CXCL13: variants seen among roughly 807,000 people sequenced by gnomAD.
The protein encoded by CXCL13 is C-X-C motif chemokine 13.
CXCL13 carries 7 observed loss-of-function variants against 12.2 expected under a neutral mutation model. The ratio of observed to expected loss-of-function variants is 0.57; its 90% CI spans 0.33 to 1.07. The LOEUF is 1.07. Among genes scored for constraint, CXCL13 ranks in the 50% least tolerant of loss-of-function variants. The probability of loss-of-function intolerance (pLI) is 0.04; values close to 1 mark genes in which losing one functional copy is unlikely to be tolerated. For missense variants in CXCL13, 113 were observed against 127.4 expected (o/e 0.89, Z 0.55); for synonymous variants, 47 against 42.4 (o/e 1.11, Z -0.42).
intron 1 of CXCL13, among the ~76,000 whole-genome samples, chr4:77,552,401 T>C (rs1398044980): frequency 6.6e-6 from 1 of 152,252 alleles, no homozygotes; most frequent in Non-Finnish European, 1.5e-5. Context: ...TTTATTTTAC[T>C]CTGTGCAGTT....
chr4:77,556,906 C>T (rs1725672254), intron 1 of CXCL13, among the ~76,000 whole-genome samples: 1 of 152,054 alleles, frequency 6.6e-6, no homozygotes, highest in Non-Finnish European at 1.5e-5. Flanking sequence ...GTATTCCCAG[C>T]CACTCAGGAG....
chr4:77,586,841 G>A (rs2109828217), intron 1 of CXCL13, among the ~76,000 whole-genome samples: 1 of 152,328 alleles, frequency 6.6e-6, no homozygotes, highest in Admixed American at 6.5e-5. Flanking sequence ...AAAGTCCAGA[G>A]AGGAAAAGAG....
Position 77,564,593 on chromosome 4 carries a change from C to G in CXCL13, c.-42-41231C>G, listed in dbSNP as rs534631704. On this transcript the variant is annotated intron_variant, in intron 1 of 4. Coordinates refer to the CXCL13 transcript ENST00000286758. ...TCATCTCATTTAATCTGACAACAAC[C>G]CTTTAAGGCATGTGCTATTATTGTT... Among the ~76,000 whole-genome samples, 6 of 152,302 alleles carry G rather than the reference C, an allele frequency of 3.9e-5. No homozygotes were observed. The East Asian group carries it at 7.7e-4, about 20-fold the overall frequency.
At chr4:77,586,520 T>C (rs76859833) in intron 1 of CXCL13, among the ~76,000 whole-genome samples, 4,315 of 152,232 alleles carry the variant, frequency 0.028, 150 homozygotes, top group East Asian at 0.08. Flanking sequence ...TATGCATCGA[T>C]GATTTAGAAT....
intron 1 of CXCL13, among the ~76,000 whole-genome samples, chr4:77,559,701 T>A (rs577866305): frequency 6.6e-6 from 1 of 152,084 alleles, no homozygotes; most frequent in Admixed American, 6.5e-5. Context: ...GGCAGGCAGA[T>A]CACGAGGTCA....
chr4:77,525,223 A>T (rs1724732518), intron 1 of CXCL13, among the ~76,000 whole-genome samples: 1 of 152,210 alleles, frequency 6.6e-6, no homozygotes, highest in Non-Finnish European at 1.5e-5. Context: ...ATTAAAAATT[A>T]CTCAGTCTCT....
chr4:77,541,986 T>C (rs1200731133), intron 1 of CXCL13, among the ~76,000 whole-genome samples: 2 of 152,098 alleles, frequency 1.3e-5, no homozygotes, highest in Non-Finnish European at 2.9e-5. Flanking sequence ...AATGGGATTG[T>C]GTTCTTGATT....
intron 1 of CXCL13, among the ~76,000 whole-genome samples, chr4:77,530,468 A>C (rs1560516608): frequency 2.0e-5 from 3 of 152,132 alleles, no homozygotes; most frequent in African/African-American, 7.2e-5. Context: ...GTTATTGTCT[A>C]TTCAGAGATT....
intron 1 of CXCL13, among the ~76,000 whole-genome samples, chr4:77,518,889 G>T (rs369820370): frequency 2.0e-5 from 3 of 152,232 alleles, no homozygotes; most frequent in Non-Finnish European, 2.9e-5. Context: ...AGTTTCCAGT[G>T]TTTCTGCTCT....
intron 1 of CXCL13, among the ~76,000 whole-genome samples, chr4:77,552,534 T>C (rs1266949623): frequency 6.6e-6 from 1 of 152,210 alleles, no homozygotes; most frequent in East Asian, 1.9e-4. Context: ...TGGGCTTATT[T>C]ATGGGGTTCA....
intron 1 of CXCL13, among the ~76,000 whole-genome samples, chr4:77,533,167 A>G (rs1448338476): frequency 6.6e-6 from 1 of 152,040 alleles, no homozygotes; most frequent in Non-Finnish European, 1.5e-5. Context: ...TTGTGGTTTT[A>G]TCTACCTTTG....
chr4:77,515,773 T>G (rs948043046), intron 1 of CXCL13, among the ~76,000 whole-genome samples: 1 of 152,226 alleles, frequency 6.6e-6, no homozygotes, highest in African/African-American at 2.4e-5. Context: ...TTTGACTTCC[T>G]CTTTTCCTAA....
At chr4:77,524,276 A>G (rs891403990) in intron 1 of CXCL13, among the ~76,000 whole-genome samples, 23 of 152,210 alleles carry the variant, frequency 1.5e-4, no homozygotes, top group African/African-American at 5.3e-4. Context: ...AAGGCAGACC[A>G]GGATGTTTAA....
At chr4:77,610,741 G>A in intron 3 of CXCL13, 47 bp downstream of exon 3, 2 of 1,407,388 alleles carry the variant, frequency 1.4e-6, no homozygotes. Context: ...TTGTACTGAA[G>A]AGTTTCCCTT....
intron 1 of CXCL13, among the ~76,000 whole-genome samples, chr4:77,588,703 T>C (rs1726537979): frequency 6.6e-6 from 1 of 152,228 alleles, no homozygotes; most frequent in Admixed American, 6.5e-5. Context: ...CTTCATTCTC[T>C]TGATCCATCT....
intron 1 of CXCL13, among the ~76,000 whole-genome samples, chr4:77,579,495 A>C (rs529545216): frequency 6.6e-6 from 1 of 152,272 alleles, no homozygotes; most frequent in South Asian, 2.1e-4. Context: ...TAGAAAGTTA[A>C]GGTTTTCTCA....
intron 1 of CXCL13, among the ~76,000 whole-genome samples, chr4:77,591,550 CAAAAAAA>C (rs780283463): frequency 2.3e-4 from 11 of 48,618 alleles, no homozygotes; most frequent in African/African-American, 4.1e-4. Flanking sequence ...GACTCCATCT[CAAAAAAA>C]AAAAAAAAAA....
At chr4:77,542,397 TG>T (rs1289518842) in intron 1 of CXCL13, among the ~76,000 whole-genome samples, 1 of 152,156 alleles carries the variant, frequency 6.6e-6, no homozygotes, top group Admixed American at 6.6e-5. Context: ...ATACCAAGTT[TG>T]TTTAAGGTTT....
chr4:77,554,375 C>T (rs1312910293), intron 1 of CXCL13, among the ~76,000 whole-genome samples: 1 of 152,100 alleles, frequency 6.6e-6, no homozygotes, highest in East Asian at 1.9e-4. Context: ...AGAGAAATGT[C>T]TTATGATGAT....
Sources: allele counts gnomAD v4.1 joint callset (sites outside exome capture counted in the v4.1 genomes callset), GRCh38; gene constraint gnomAD v4.1.1; transcripts MANE v1.5; gene names NCBI Gene and HGNC (gene_info 2026-07-23, HGNC 2026-07-21).